HMCN1: variants seen among roughly 807,000 people sequenced by gnomAD.
The protein encoded by HMCN1 is hemicentin 1.
In HMCN1, 321 loss-of-function variants were observed where a neutral mutation model predicts 625.9. The observed-to-expected ratio is 0.51, with a 90% CI of 0.47 to 0.56. HMCN1 has a LOEUF of 0.56. Among genes scored for constraint, HMCN1 ranks in the 20% least tolerant of loss-of-function variants. The pLI, the probability that HMCN1 is intolerant of heterozygous loss-of-function variation, is 0.00. For synonymous variants in HMCN1, 2,425 were observed against 2,417.6 expected, an observed-to-expected ratio of 1.00 and a Z score of -0.09; for missense variants, 6,588 against 6,887.3, an observed-to-expected ratio of 0.96 and a Z score of 1.54.
At chr1:186,161,618 G>C (rs912651500) in intron 97 of HMCN1, among the ~76,000 whole-genome samples, 4 of 151,958 alleles carry the variant, frequency 2.6e-5, no homozygotes, top group African/African-American at 7.3e-5. Context: ...CAGGCCTGGT[G>C]GTGACAAAAT....
intron 81 of HMCN1, among the ~76,000 whole-genome samples, chr1:186,124,327 A>G (rs1341453732): frequency 6.6e-6 from 1 of 152,122 alleles, no homozygotes; most frequent in Admixed American, 6.5e-5. Flanking sequence ...TTTAGAAAAT[A>G]AAGACATGAC....
intron 1 of HMCN1, among the ~76,000 whole-genome samples, chr1:185,845,367 G>A (rs1181757454): frequency 6.6e-6 from 1 of 152,054 alleles, no homozygotes; most frequent in Non-Finnish European, 1.5e-5. Context: ...ACAGGCATGT[G>A]CCACCATGCC....
chr1:186,110,848 G>C (rs577886348), intron 71 of HMCN1, among the ~76,000 whole-genome samples: 1 of 151,888 alleles, frequency 6.6e-6, no homozygotes, highest in Non-Finnish European at 1.5e-5. Flanking sequence ...GAGGACTGCA[G>C]GTGTGGGGCT....
chr1:185,962,538 A>T lies in HMCN1; in HGVS notation c.1849A>T (p.Met617Leu), dbSNP rs533822029. The change falls in exon 12 of 107, where the codon ATG (methionine) becomes TTG (leucine). Residue 617 changes from methionine to leucine, a missense_variant. This residue lies in a region of HMCN1 where 4,628 missense variants were observed against 4,853.1 expected (regional missense o/e 0.95). Transcript: ENST00000271588. ...TVQEPPKVTVMPKNQSFTGGS... is the reference protein window; with the variant it reads ...TVQEPPKVTVLPKNQSFTGGS... Reference sequence around the variant, plus strand: ...TGCAGAACCACCCAAAGTCACTGTGATGCCCAAGAATCAGTCTTTCACAGG... The same window carrying T: ...TGCAGAACCACCCAAAGTCACTGTGTTGCCCAAGAATCAGTCTTTCACAGG... The T allele has an allele frequency of 1.2e-6, 2 of 1,613,290 alleles. No individual in the cohort carries two copies. Among genetic ancestry groups the T allele is most frequent in the Non-Finnish European group, 1.7e-6 (2 of 1,179,404 alleles).
At chr1:185,839,100 G>A (rs1272478299) in intron 1 of HMCN1, among the ~76,000 whole-genome samples, 2 of 152,106 alleles carry the variant, frequency 1.3e-5, no homozygotes, top group Non-Finnish European at 1.5e-5. Flanking sequence ...CCCAACATGT[G>A]GAAATTTCAA....
chr1:186,161,267 T>G (rs1353306232), intron 97 of HMCN1, among the ~76,000 whole-genome samples: 3 of 151,818 alleles, frequency 2.0e-5, no homozygotes, highest in African/African-American at 7.3e-5. Flanking sequence ...GTTTTCCATT[T>G]GCTTGGTAGA....
intron 89 of HMCN1, among the ~76,000 whole-genome samples, chr1:186,141,835 G>C (rs900391681): frequency 5.9e-5 from 9 of 152,156 alleles, no homozygotes; most frequent in African/African-American, 2.2e-4. Flanking sequence ...TGCATGGCCT[G>C]TAAGGGCAGA....
Position 186,166,905 on chromosome 1 carries a change from T to C in HMCN1, c.15537T>C (p.Ser5179=). Residue 5179 remains serine, a synonymous_variant, in exon 100 of 107, where the codon AGT becomes AGC. Coordinates refer to ENST00000271588, the MANE Select transcript of HMCN1 (RefSeq NM_031935.3). ...GSYRCVVRCG[S]GFRRTSDGLS... Reference sequence around the variant, plus strand: ...ATCGCTGTGTGGTCCGTTGTGGAAGTGGCTTTCGAAGAACCTCTGATGGGC... The same window carrying C: ...ATCGCTGTGTGGTCCGTTGTGGAAGCGGCTTTCGAAGAACCTCTGATGGGC... The C allele has an allele frequency of 6.2e-7, 1 of 1,614,172 alleles. No individual in the cohort carries two copies.
intron 4 of HMCN1, among the ~76,000 whole-genome samples, chr1:185,876,772 TGTTGA>T (rs1464205225): frequency 6.6e-6 from 1 of 152,050 alleles, no homozygotes; most frequent in Non-Finnish European, 1.5e-5. Context: ...TTTTTCTTCT[TGTTGA>T]GTTGTTTGAG....
chr1:186,009,016 TG>T (rs761130009), intron 30 of HMCN1, among the ~76,000 whole-genome samples: 1 of 152,208 alleles, frequency 6.6e-6, no homozygotes, highest in South Asian at 2.1e-4. Context: ...TGAAAAGACA[TG>T]TTCTCTAAAA....
chr1:186,077,012 G>A (rs745490481), intron 54 of HMCN1, among the ~76,000 whole-genome samples: 12 of 152,046 alleles, frequency 7.9e-5, no homozygotes, highest in Non-Finnish European at 1.8e-4. Context: ...TAAATAAATA[G>A]GGAAGATTAT....
chr1:186,107,982 G>T (rs1039338503), intron 70 of HMCN1, among the ~76,000 whole-genome samples: 14 of 148,094 alleles, frequency 9.5e-5, no homozygotes, highest in African/African-American at 3.5e-4. Flanking sequence ...AACTGTCTGG[G>T]ATTTAAGTGC....
At chr1:185,932,846 A>G (rs1230936121) in intron 10 of HMCN1, among the ~76,000 whole-genome samples, 2 of 152,156 alleles carry the variant, frequency 1.3e-5, no homozygotes, top group East Asian at 3.9e-4. Flanking sequence ...TTAAAGTAAA[A>G]TAATAAAAAG....
intron 48 of HMCN1, 149 bp from the exon 49 acceptor site, chr1:186,065,089 C>A: frequency 1.6e-6 from 1 of 609,012 alleles, no homozygotes; most frequent in Non-Finnish European, 2.9e-6. Flanking sequence ...AATAAGTTAG[C>A]TTGCATAGTT....
chr1:186,085,758 A>G (rs1332979261), intron 57 of HMCN1, among the ~76,000 whole-genome samples: 1 of 152,080 alleles, frequency 6.6e-6, no homozygotes. Context: ...TGTTTAAATA[A>G]GAGAAATGCA....
chr1:186,031,934 A>T (rs1271820240), intron 36 of HMCN1, among the ~76,000 whole-genome samples: 1 of 152,062 alleles, frequency 6.6e-6, no homozygotes, highest in Non-Finnish European at 1.5e-5. Context: ...TGGAACATTC[A>T]GTCATCCCTC....
intron 83 of HMCN1, among the ~76,000 whole-genome samples, chr1:186,128,633 A>T (rs1661768865): frequency 6.6e-6 from 1 of 152,014 alleles, no homozygotes; most frequent in African/African-American, 2.4e-5. Flanking sequence ...GTAGATTAAG[A>T]TGGCCGCTGT....
chr1:186,188,796 G>A (rs1653520565), intron 106 of HMCN1, among the ~76,000 whole-genome samples: 1 of 152,110 alleles, frequency 6.6e-6, no homozygotes, highest in Non-Finnish European at 1.5e-5. Flanking sequence ...ATGGGACATG[G>A]AATAGGAAGG....
chr1:186,120,969 G>A (rs1186336121), intron 80 of HMCN1, among the ~76,000 whole-genome samples: 1 of 152,146 alleles, frequency 6.6e-6, no homozygotes, highest in African/African-American at 2.4e-5. Context: ...AGAATAATGG[G>A]AATATGTGGG....
Sources: allele counts gnomAD v4.1 joint callset (sites outside exome capture counted in the v4.1 genomes callset), GRCh38; gene constraint gnomAD v4.1.1; regional missense constraint gnomAD v4.1.1; transcripts MANE v1.5; gene names NCBI Gene and HGNC (gene_info 2026-07-23, HGNC 2026-07-21).